Variants in SLC24A2 observed in about 807,000 individuals in gnomAD.
SLC24A2 encodes the protein sodium/potassium/calcium exchanger 2.
A neutral mutation model predicts 62.0 loss-of-function variants in SLC24A2; 36 were observed. The ratio of observed to expected loss-of-function variants is 0.58; its 90% confidence interval spans 0.44 to 0.77. The LOEUF (loss-of-function observed/expected upper bound fraction) is 0.77, where lower values mean the gene tolerates loss of function less well. SLC24A2 is among the 30% of genes least tolerant of loss of function. The pLI is 0.00. For missense variants in SLC24A2, 846 were observed against 817.9 expected, an observed-to-expected ratio of 1.03 and a Z score of -0.42; for synonymous variants, 358 against 294.0, an observed-to-expected ratio of 1.22 and a Z score of -2.23.
At chr9:20,034,152 C>T in the SLC24A2 span, among the ~76,000 whole-genome samples, 1 of 151,942 alleles carries the variant, frequency 6.6e-6, no homozygotes, top group African/African-American at 2.4e-5. Context: ...CTCTCACTGG[C>T]TATCCTTCCT....
At chr9:20,195,484 T>G in the SLC24A2 span, among the ~76,000 whole-genome samples, 3 of 152,236 alleles carry the variant, frequency 2.0e-5, no homozygotes, top group Non-Finnish European at 2.9e-5. Context: ...TTTCTTCTTT[T>G]GTGAAGTGTC....
the SLC24A2 span, among the ~76,000 whole-genome samples, chr9:19,955,882 C>T: frequency 6.6e-6 from 1 of 152,136 alleles, no homozygotes. Context: ...TGTACCAAAC[C>T]AGTACACTAA....
the SLC24A2 span, among the ~76,000 whole-genome samples, chr9:20,292,028 T>A: frequency 2.6e-5 from 4 of 152,186 alleles, no homozygotes; most frequent in Non-Finnish European, 5.9e-5. Context: ...AATCATTGAA[T>A]TGTCAGAATT....
intron 2 of SLC24A2, among the ~76,000 whole-genome samples, chr9:19,773,146 G>C (rs767540366): frequency 2.6e-5 from 4 of 152,208 alleles, no homozygotes; most frequent in Non-Finnish European, 5.9e-5. Context: ...AGTGGCTACT[G>C]GGGGCTGGGC....
chr9:19,856,500 G>C, the SLC24A2 span, among the ~76,000 whole-genome samples: 1 of 151,986 alleles, frequency 6.6e-6, no homozygotes, highest in Non-Finnish European at 1.5e-5. Context: ...TGTTGTTGTT[G>C]TTGCTGTTTA....
At chr9:20,229,263 T>C in the SLC24A2 span, among the ~76,000 whole-genome samples, 76 of 152,326 alleles carry the variant, frequency 5.0e-4, no homozygotes, top group African/African-American at 1.7e-3. Context: ...GCTCTGTTAC[T>C]TAATAACAGT....
the SLC24A2 span, among the ~76,000 whole-genome samples, chr9:19,878,757 A>G: frequency 6.6e-6 from 1 of 152,086 alleles, no homozygotes. Flanking sequence ...CTCCCCAGCC[A>G]TGCTTCCTAT....
chr9:19,910,037 C>T, the SLC24A2 span, among the ~76,000 whole-genome samples: 2 of 152,116 alleles, frequency 1.3e-5, no homozygotes, highest in Non-Finnish European at 2.9e-5. Context: ...GTTCTAGATG[C>T]TGAGAGTATT....
the SLC24A2 span, among the ~76,000 whole-genome samples, chr9:19,975,464 C>T: frequency 3.9e-5 from 6 of 152,208 alleles, no homozygotes; most frequent in African/African-American, 9.6e-5. Flanking sequence ...ATCAGATGGA[C>T]CTGTGTCTGA....
At chr9:19,905,918 C>A in the SLC24A2 span, among the ~76,000 whole-genome samples, 2 of 152,102 alleles carry the variant, frequency 1.3e-5, no homozygotes, top group Admixed American at 1.3e-4. Context: ...GACAGATCAA[C>A]GAGACAGAAA....
the SLC24A2 span, among the ~76,000 whole-genome samples, chr9:19,838,178 G>C: frequency 2.6e-5 from 4 of 152,114 alleles, no homozygotes; most frequent in South Asian, 4.1e-4. Context: ...ATACTACAAG[G>C]CTGCAGTAAC....
intron 2 of SLC24A2, among the ~76,000 whole-genome samples, chr9:19,655,953 T>C (rs1275430548): frequency 2.0e-5 from 3 of 152,168 alleles, no homozygotes; most frequent in Non-Finnish European, 2.9e-5. Flanking sequence ...CCATACTTGA[T>C]ACTGAAAAAT....
chr9:20,189,018 A>C, the SLC24A2 span, among the ~76,000 whole-genome samples: 1 of 152,066 alleles, frequency 6.6e-6, no homozygotes, highest in Non-Finnish European at 1.5e-5. Flanking sequence ...TGGGTTACCC[A>C]AGCTAAACTC....
intron 2 of SLC24A2, among the ~76,000 whole-genome samples, chr9:19,690,141 A>ATC (rs35555424): frequency 0.19 from 28,777 of 151,476 alleles, 2,879 homozygotes; most frequent in Middle Eastern, 0.24. Flanking sequence ...CTTATAGTAA[A>ATC]TCTCTCTCTC....
At chr9:20,204,639 G>A in the SLC24A2 span, among the ~76,000 whole-genome samples, 1 of 151,858 alleles carries the variant, frequency 6.6e-6, no homozygotes, top group Non-Finnish European at 1.5e-5. Context: ...AACCATGCCA[G>A]TAGTTACTGT....
chr9:19,543,151 T>A (rs1399680186), intron 8 of SLC24A2, among the ~76,000 whole-genome samples: 1 of 151,992 alleles, frequency 6.6e-6, no homozygotes, highest in Non-Finnish European at 1.5e-5. Flanking sequence ...CCTGGTTTAG[T>A]CTTGGGAGGG....
At chr9:19,893,450 G>A in the SLC24A2 span, among the ~76,000 whole-genome samples, 22 of 152,298 alleles carry the variant, frequency 1.4e-4, no homozygotes, top group Non-Finnish European at 1.5e-5. Context: ...GGGAATAGGA[G>A]TTTTTATTCT....
chr9:19,540,710 C>T (rs1328406003), intron 8 of SLC24A2, among the ~76,000 whole-genome samples: 1 of 145,792 alleles, frequency 6.9e-6, no homozygotes, highest in African/African-American at 2.7e-5. Context: ...TGAGGAGTAT[C>T]TTTGTGGCAT....
chr9:20,107,395 T>G, the SLC24A2 span, among the ~76,000 whole-genome samples: 18 of 152,024 alleles, frequency 1.2e-4, 1 homozygote, highest in African/African-American at 4.4e-4. Context: ...AAGTCAATCC[T>G]AAGCCAAAAG....
Sources: allele counts gnomAD v4.1 joint callset (sites outside exome capture counted in the v4.1 genomes callset), GRCh38; gene constraint gnomAD v4.1.1; transcripts MANE v1.5; gene names NCBI Gene and HGNC (gene_info 2026-07-23, HGNC 2026-07-21).